The following HERC3 variants were observed in gnomAD, a reference collection of about 807,000 sequenced individuals.
HERC3 encodes HECT and RLD domain containing E3 ubiquitin protein ligase 3, also known as probable E3 ubiquitin-protein ligase HERC3.
A neutral mutation model predicts 129.9 loss-of-function variants in HERC3; 58 were observed. That is an observed-to-expected ratio of 0.45 (90% CI 0.36 to 0.56). The LOEUF is 0.56. Ranked by LOEUF, HERC3 falls within the 20% of genes least tolerant of loss-of-function variation. HERC3 has a pLI of 0.00. For synonymous variants in HERC3, 430 were observed against 451.0 expected (o/e 0.95, Z 0.59); for missense variants, 835 against 1,244.2 (o/e 0.67, Z 4.95).
Position 88,704,134 on chromosome 4 carries a change from C to G in HERC3, c.2694C>G (p.Phe898Leu). The G allele has an allele frequency of 1.2e-6, 2 of 1,614,032 alleles. No individual in the cohort carries two copies. Among genetic ancestry groups the G allele is most frequent in the Non-Finnish European group, 1.7e-6 (2 of 1,180,000 alleles). ...TGGATGCTTATGTGAATTATGTCTT[C>G]CAAATCTCAGTTCATGAATGGTACA... ...EFVDAYVNYV[F>L]QISVHEWYTA... is the part of the protein sequence containing the mutation. The change falls in exon 24 of 26, where the codon TTC (phenylalanine) becomes TTG (leucine). Residue 898 changes from phenylalanine (F) to leucine (L), a missense_variant. Transcript: ENST00000402738.
chr4:88,631,228 G>A lies in HERC3; in HGVS notation c.227-18612G>A, dbSNP rs767696102. Reference sequence around the variant, plus strand: ...CCAGCACTTTGGGAGGCTGAGGCAGGCAGATCACTTGAGGTCAGGAGTTCG... The same window carrying A: ...CCAGCACTTTGGGAGGCTGAGGCAGACAGATCACTTGAGGTCAGGAGTTCG... On this transcript the variant is annotated intron_variant, in intron 3 of 25. Transcript: ENST00000402738. 9.9e-5 allele frequency among the ~76,000 whole-genome samples: 15 copies of A among 152,144 alleles called. 1 individual carries two copies. Among genetic ancestry groups the A allele is most frequent in the Admixed American group, 4.6e-4 (7 of 15,270 alleles).
chr4:88,637,260 C>A (rs1727522846), intron 3 of HERC3, among the ~76,000 whole-genome samples: 2 of 151,948 alleles, frequency 1.3e-5, no homozygotes, highest in Admixed American at 1.3e-4. Flanking sequence ...CCCGTCTCTA[C>A]TAAAAATACA....
At chr4:88,552,050 C>A in the HERC3 span, among the ~76,000 whole-genome samples, 1 of 150,728 alleles carries the variant, frequency 6.6e-6, no homozygotes, top group African/African-American at 2.5e-5. Context: ...AACCAAATAC[C>A]GCATGTTCTC....
At chr4:88,620,119 C>G (rs893918467) in intron 3 of HERC3, among the ~76,000 whole-genome samples, 3 of 152,148 alleles carry the variant, frequency 2.0e-5, no homozygotes, top group Non-Finnish European at 2.9e-5. Context: ...TCTAAGTATG[C>G]TTATTGCAGC....
intron 23 of HERC3, among the ~76,000 whole-genome samples, chr4:88,701,598 TG>T (rs1364155558): frequency 1.3e-5 from 2 of 152,198 alleles, no homozygotes; most frequent in African/African-American, 4.8e-5. Context: ...AACAGGTATT[TG>T]CTTCAGATTT....
rs1354180992 is a variant in HERC3 at position 88,653,033 on chromosome 4, G to C, written c.628G>C (p.Ala210Pro). The C allele has an allele frequency of 6.2e-7, 1 of 1,614,118 alleles. No individual in the cohort carries two copies. Among genetic ancestry groups the C allele is most frequent in the African/African-American group, 1.3e-5 (1 of 74,942 alleles). Reference sequence around the variant, plus strand: ...CAGCTTTGCCCTGTCTCTCTCAGGAGCTGTTTTTGGCTGGGGGATGAATAA... The same window carrying C: ...CAGCTTTGCCCTGTCTCTCTCAGGACCTGTTTTTGGCTGGGGGATGAATAA... ...AHSFALSLSGAVFGWGMNNAG... is the reference protein window; with the variant it reads ...AHSFALSLSGPVFGWGMNNAG... Residue 210 changes from alanine to proline, a missense_variant, in exon 6 of 26, where the codon GCT becomes CCT. Transcript: ENST00000402738.
intron 3 of HERC3, among the ~76,000 whole-genome samples, chr4:88,615,184 CA>C (rs1724767422): frequency 6.6e-6 from 1 of 152,066 alleles, no homozygotes; most frequent in Non-Finnish European, 1.5e-5. Flanking sequence ...TTTTGTGTTA[CA>C]ATAGCAATTT....
intron 11 of HERC3, among the ~76,000 whole-genome samples, chr4:88,663,644 A>G (rs1730736888): frequency 6.6e-6 from 1 of 152,198 alleles, no homozygotes; most frequent in African/African-American, 2.4e-5. Context: ...GGCCCTCAGA[A>G]TTAGCTGTTT....
At chr4:88,623,202 G>A (rs1384139320) in intron 3 of HERC3, among the ~76,000 whole-genome samples, 2 of 152,304 alleles carry the variant, frequency 1.3e-5, no homozygotes, top group Admixed American at 1.3e-4. Context: ...CAAGTGGCTA[G>A]GATGGACTCA....
At chr4:88,607,172 GGTGT>G (rs3036481) in intron 3 of HERC3, among the ~76,000 whole-genome samples, 6,623 of 149,734 alleles carry the variant, frequency 0.044, 175 homozygotes, top group Middle Eastern at 0.095. Context: ...GTAGCACTTT[GGTGT>G]GTGTGTGTGT....
chr4:88,605,091 A>G (rs1032415167), intron 2 of HERC3, among the ~76,000 whole-genome samples: 10 of 152,176 alleles, frequency 6.6e-5, no homozygotes, highest in Admixed American at 3.3e-4. Flanking sequence ...GGAGATTAAA[A>G]TCTGTTTGGG....
chr4:88,655,144 T>C (rs1425906316), intron 7 of HERC3, 30 bp from the exon 8 acceptor site: 1 of 1,612,724 alleles, frequency 6.2e-7, no homozygotes, highest in Admixed American at 1.7e-5. Context: ...AAAGATACAG[T>C]GAAGTCCTAT....
chr4:88,612,286 CAACT>C (rs1172499183), intron 3 of HERC3, among the ~76,000 whole-genome samples: 2 of 111,662 alleles, frequency 1.8e-5, no homozygotes, highest in East Asian at 4.9e-4. Context: ...CTTATGTGAC[CAACT>C]GTGTGTGTGT....
At chr4:88,541,596 T>A in the HERC3 span, among the ~76,000 whole-genome samples, 2 of 152,198 alleles carry the variant, frequency 1.3e-5, no homozygotes, top group African/African-American at 2.4e-5. Flanking sequence ...GCAGGCCTAA[T>A]AGACATCTAC....
chr4:88,648,573 G>A (rs142460522), intron 3 of HERC3, among the ~76,000 whole-genome samples: 50 of 152,168 alleles, frequency 3.3e-4, no homozygotes, highest in Middle Eastern at 6.8e-3. Context: ...TCTGATCCCT[G>A]TTCTATTGTA....
At chr4:88,551,893 A>G in the HERC3 span, among the ~76,000 whole-genome samples, 1 of 152,252 alleles carries the variant, frequency 6.6e-6, no homozygotes, top group African/African-American at 2.4e-5. Flanking sequence ...CCAAATGTCC[A>G]ACAATGATAG....
At chr4:88,554,442 G>C in the HERC3 span, among the ~76,000 whole-genome samples, 1 of 151,718 alleles carries the variant, frequency 6.6e-6, no homozygotes, top group Non-Finnish European at 1.5e-5. Context: ...TTTCAATGAA[G>C]AATAAAGTAA....
intron 3 of HERC3, among the ~76,000 whole-genome samples, chr4:88,640,675 T>C (rs1161501620): frequency 1.3e-5 from 2 of 151,278 alleles, no homozygotes; most frequent in Admixed American, 6.6e-5. Context: ...CCATGGCACA[T>C]GTATACCTAT....
chr4:88,646,686 G>T (rs936833880), intron 3 of HERC3, among the ~76,000 whole-genome samples: 3 of 152,102 alleles, frequency 2.0e-5, no homozygotes, highest in African/African-American at 7.2e-5. Flanking sequence ...GTGGGGCAGG[G>T]GTGTATTCAG....
Sources: gnomAD v4.1 joint callset for allele counts (sites outside exome capture counted in the v4.1 genomes callset) on GRCh38, gnomAD v4.1.1 for gene constraint, MANE v1.5 for transcripts, NCBI Gene and HGNC (gene_info 2026-07-23, HGNC 2026-07-21) for gene names.